CA10: variants seen among roughly 807,000 people sequenced by gnomAD.
The protein encoded by CA10 is carbonic anhydrase 10 (inactive), also known as carbonic anhydrase-related protein 10.
A neutral mutation model predicts 44.2 loss-of-function variants in CA10; 14 were observed. The ratio of observed to expected loss-of-function variants is 0.32; its 90% CI spans 0.21 to 0.50. CA10 has a LOEUF of 0.50. CA10 is among the 20% of genes least tolerant of loss of function. The pLI is 0.99. For synonymous variants in CA10, 159 were observed against 141.6 expected (o/e 1.12, Z -0.87); for missense variants, 350 against 409.7 (o/e 0.85, Z 1.26).
chr17:51,818,634 GT>G lies in CA10; in HGVS notation c.280-70817del, dbSNP rs144581481. ...AGGAGGGATCGCTTTCGTGATGATG[GT>G]TCTCTGAGTGCAGAAGTCACACCTA... On this transcript the variant is annotated intron_variant, in intron 3 of 8. Coordinates refer to ENST00000451037, the MANE Select transcript of CA10 (RefSeq NM_020178.5). 5.7e-3 allele frequency among the ~76,000 whole-genome samples: 862 copies of G among 152,214 alleles called. 9 individuals carry two copies. Among genetic ancestry groups the G allele is most frequent in the African/African-American group, 0.02 (817 of 41,546 alleles).
chr17:51,697,716 A>G (rs958067345), intron 4 of CA10, among the ~76,000 whole-genome samples: 16 of 152,254 alleles, frequency 1.1e-4, no homozygotes, highest in African/African-American at 3.9e-4. Flanking sequence ...CCTGGCACAT[A>G]GAAGGCACCC....
chr17:52,016,886 C>T (rs1320467565), intron 2 of CA10, among the ~76,000 whole-genome samples: 4 of 152,056 alleles, frequency 2.6e-5, no homozygotes, highest in African/African-American at 9.7e-5. Flanking sequence ...GCCCTCCAGC[C>T]TAGGTGATAG....
At chr17:51,970,633 CA>C (rs1484779850) in intron 2 of CA10, among the ~76,000 whole-genome samples, 1 of 152,050 alleles carries the variant, frequency 6.6e-6, no homozygotes, top group African/African-American at 2.4e-5. Flanking sequence ...ATGAGATAAG[CA>C]TGATATGCAT....
intron 3 of CA10, among the ~76,000 whole-genome samples, chr17:51,840,741 A>G (rs1978312653): frequency 6.6e-6 from 1 of 152,148 alleles, no homozygotes; most frequent in African/African-American, 2.4e-5. Context: ...TCTCTAGGAA[A>G]CTGACTATGA....
intron 3 of CA10, among the ~76,000 whole-genome samples, chr17:51,821,310 G>C (rs1487794181): frequency 6.6e-6 from 1 of 151,718 alleles, no homozygotes; most frequent in African/African-American, 2.4e-5. Flanking sequence ...AGTAGGCCAA[G>C]TGCCATGGAC....
At chr17:51,951,457 C>T (rs983742097) in intron 2 of CA10, among the ~76,000 whole-genome samples, 2 of 152,142 alleles carry the variant, frequency 1.3e-5, no homozygotes, top group African/African-American at 2.4e-5. Context: ...TGCTCCATTA[C>T]TTAATTATCT....
At chr17:52,152,884 G>C (rs1051176227) in intron 1 of CA10, among the ~76,000 whole-genome samples, 12 of 152,100 alleles carry the variant, frequency 7.9e-5, no homozygotes, top group African/African-American at 2.9e-4. Context: ...TTGAGATTCT[G>C]AGAGGTAAAG....
At chr17:51,643,173 A>G (rs1479211167) in intron 6 of CA10, among the ~76,000 whole-genome samples, 1 of 152,144 alleles carries the variant, frequency 6.6e-6, no homozygotes, top group Non-Finnish European at 1.5e-5. Context: ...ACAGCATAAA[A>G]TCTCTTTTTA....
At chr17:52,153,188 T>C (rs1989738631) in intron 1 of CA10, among the ~76,000 whole-genome samples, 1 of 152,156 alleles carries the variant, frequency 6.6e-6, no homozygotes, top group Non-Finnish European at 1.5e-5. Context: ...CTTTCTTGAC[T>C]CACTATCTGG....
intron 3 of CA10, among the ~76,000 whole-genome samples, chr17:51,792,863 G>T (rs1906573649): frequency 6.6e-6 from 1 of 152,176 alleles, no homozygotes; most frequent in Non-Finnish European, 1.5e-5. Flanking sequence ...GCATAAATTT[G>T]TATTCTCCAA....
At chr17:51,970,703 G>A (rs945336287) in intron 2 of CA10, among the ~76,000 whole-genome samples, 2 of 152,074 alleles carry the variant, frequency 1.3e-5, no homozygotes, top group Admixed American at 1.3e-4. Flanking sequence ...ATTCTTCACA[G>A]ATTCTTTATT....
At chr17:52,005,175 A>G (rs996505762) in intron 2 of CA10, among the ~76,000 whole-genome samples, 1 of 151,984 alleles carries the variant, frequency 6.6e-6, no homozygotes, top group African/African-American at 2.4e-5. Context: ...ATAATAATTC[A>G]GTGAACCCTT....
At chr17:51,772,632 A>C (rs2143659708) in intron 3 of CA10, among the ~76,000 whole-genome samples, 1 of 151,558 alleles carries the variant, frequency 6.6e-6, no homozygotes, top group African/African-American at 2.4e-5. Context: ...TTGCCATGGG[A>C]ACAGAGAAGA....
intron 3 of CA10, among the ~76,000 whole-genome samples, chr17:51,790,747 C>A (rs1906488842): frequency 6.6e-6 from 1 of 152,174 alleles, no homozygotes; most frequent in Admixed American, 6.5e-5. Context: ...GTAGGTGGAT[C>A]AATTTTAAAG....
chr17:51,730,858 A>C (rs979396002), intron 4 of CA10, among the ~76,000 whole-genome samples: 4 of 151,960 alleles, frequency 2.6e-5, no homozygotes, highest in Non-Finnish European at 5.9e-5. Context: ...GTTTTTGGAA[A>C]GTGTCCTACA....
chr17:51,978,890 C>G (rs146221115), intron 2 of CA10, among the ~76,000 whole-genome samples: 1 of 152,188 alleles, frequency 6.6e-6, no homozygotes, highest in Non-Finnish European at 1.5e-5. Flanking sequence ...CGTTTTACCC[C>G]TTCTTTCCTT....
At chr17:51,768,780 C>G (rs893628179) in intron 3 of CA10, among the ~76,000 whole-genome samples, 2 of 152,200 alleles carry the variant, frequency 1.3e-5, no homozygotes, top group Non-Finnish European at 2.9e-5. Flanking sequence ...TAAGCTAGTA[C>G]TTGGCACATA....
intron 4 of CA10, among the ~76,000 whole-genome samples, chr17:51,707,704 T>TGTGTG (rs1555587873): frequency 6.6e-6 from 1 of 151,448 alleles, no homozygotes; most frequent in Non-Finnish European, 1.5e-5. Flanking sequence ...TGTGTGTGTG[T>TGTGTG]TTCTCATGTT....
At chr17:52,125,965 T>G (rs1989109675) in intron 1 of CA10, among the ~76,000 whole-genome samples, 1 of 152,212 alleles carries the variant, frequency 6.6e-6, no homozygotes, top group Non-Finnish European at 1.5e-5. Context: ...CAACAGCTAT[T>G]TACAGAATAC....
Sources: allele counts gnomAD v4.1 joint callset (sites outside exome capture counted in the v4.1 genomes callset), GRCh38; gene constraint gnomAD v4.1.1; transcripts MANE v1.5; gene names NCBI Gene and HGNC (gene_info 2026-07-23, HGNC 2026-07-21).